ACAD11: variants seen among roughly 807,000 people sequenced by gnomAD.
The protein encoded by ACAD11 is acyl-CoA dehydrogenase family member 11.
ACAD11 carries 83 observed loss-of-function variants against 102.2 expected under a neutral mutation model. The observed-to-expected ratio is 0.81, with a 90% CI of 0.68 to 0.97. The LOEUF is 0.97. ACAD11 is among the 50% of genes least tolerant of loss of function. The pLI, the probability that ACAD11 is intolerant of heterozygous loss-of-function variation, is 0.00. For missense variants in ACAD11, 901 were observed against 951.7 expected, an observed-to-expected ratio of 0.95 and a Z score of 0.70; for synonymous variants, 324 against 319.8, an observed-to-expected ratio of 1.01 and a Z score of -0.14.
rs6776576 is a variant in ACAD11 at position 132,626,804 on chromosome 3, C to A, written c.1084G>T (p.Val362Leu). 19,566 of 1,611,444 alleles carry A rather than the reference C, an allele frequency of 0.012. 1,913 individuals carry two copies. In the African/African-American group the frequency reaches 0.22, roughly 18 times the overall value. Residue 362 changes from valine to leucine, a missense_variant, in exon 9 of 20, where the codon GTA becomes TTA. Physicochemically the swap from Val to Leu is conservative, Grantham distance 32. Transcript: ENST00000264990. Reference protein sequence around the residue: ...LQLSKRTFSTVLPQIDTTGQL... With the variant: ...LQLSKRTFSTLLPQIDTTGQL... ...CCAGTAGTATCAATCTGTGGTAGTA[C>A]AGTACTGAAAGTTCTTTGCCAAAAG...
chr3:132,654,965 G>A (rs928571303), intron 1 of ACAD11, among the ~76,000 whole-genome samples: 4 of 152,196 alleles, frequency 2.6e-5, no homozygotes, highest in African/African-American at 9.7e-5. Flanking sequence ...ATAAACCTGT[G>A]CAGCATGTGA....
chr3:132,600,626 G>A lies in ACAD11; in HGVS notation c.1621+2603C>T, dbSNP rs756407396. On this transcript the variant is annotated intron_variant, in intron 13 of 19. Coordinates refer to ENST00000264990, the MANE Select transcript of ACAD11 (RefSeq NM_032169.5). ...TTACAAGAAACAGAGAACCAAAACA[G>A]ATGTGTACATCCTGAATTTGGCTGT... The A allele has an allele frequency of 6.8e-6, 11 of 1,613,728 alleles. No individual in the cohort carries two copies. The East Asian group carries it at 2.5e-4, about 36-fold the overall frequency.
intron 5 of ACAD11, among the ~76,000 whole-genome samples, chr3:132,635,019 C>T (rs954700150): frequency 2.0e-5 from 3 of 150,600 alleles, no homozygotes; most frequent in Middle Eastern, 3.4e-3. Context: ...CAAACCTGCA[C>T]GCTGTGCACA....
intron 8 of ACAD11, among the ~76,000 whole-genome samples, chr3:132,627,362 G>A (rs937711439): frequency 2.6e-5 from 4 of 152,086 alleles, no homozygotes; most frequent in African/African-American, 7.2e-5. Flanking sequence ...CCTGTGAGAC[G>A]AGAACCTGGA....
chr3:132,560,042 A>T, intron 18 of ACAD11, 100 bp from the exon 19 acceptor site: 1 of 850,518 alleles, frequency 1.2e-6, no homozygotes, highest in East Asian at 2.7e-5. Context: ...CATCCAAGTC[A>T]CCACTAAAAC....
At chr3:132,617,341 C>G (rs571278609) in intron 11 of ACAD11, among the ~76,000 whole-genome samples, 1 of 152,198 alleles carries the variant, frequency 6.6e-6, no homozygotes, top group South Asian at 2.1e-4. Context: ...TTTGAAGATA[C>G]CTCCTATAGA....
At chr3:132,626,668 C>T (rs1480845084) in intron 9 of ACAD11, 23 bp downstream of exon 9, 8 of 1,610,484 alleles carry the variant, frequency 5.0e-6, no homozygotes, top group Non-Finnish European at 6.8e-6. Flanking sequence ...AGCAGAAATA[C>T]ATTCTGCTTA....
intron 4 of ACAD11, among the ~76,000 whole-genome samples, chr3:132,640,224 G>A (rs1940436930): frequency 6.6e-6 from 1 of 151,740 alleles, no homozygotes. Flanking sequence ...TAAGTAGCTG[G>A]GATTACAGAT....
intron 5 of ACAD11, among the ~76,000 whole-genome samples, chr3:132,634,526 T>G (rs538929439): frequency 9.1e-4 from 138 of 152,074 alleles, no homozygotes; most frequent in African/African-American, 3.2e-3. Flanking sequence ...GAACTAGAAA[T>G]ACCATTTGAC....
chr3:132,601,841 A>G (rs1412023508), intron 13 of ACAD11: 3 of 313,960 alleles, frequency 9.6e-6, no homozygotes, highest in African/African-American at 6.7e-5. Flanking sequence ...TTGACATTAT[A>G]GTATAATTAT....
At chr3:132,651,829 A>G (rs1035682805) in intron 1 of ACAD11, among the ~76,000 whole-genome samples, 18 of 152,200 alleles carry the variant, frequency 1.2e-4, no homozygotes, top group African/African-American at 4.3e-4. Context: ...TCTCATTTGG[A>G]ACAGGTATAT....
At chr3:132,572,013 G>T (rs1356209005) in intron 17 of ACAD11, among the ~76,000 whole-genome samples, 1 of 152,170 alleles carries the variant, frequency 6.6e-6, no homozygotes, top group African/African-American at 2.4e-5. Flanking sequence ...CACAAGACAA[G>T]GATGTCCTCT....
At chr3:132,587,135 C>A (rs944651665) in intron 13 of ACAD11, among the ~76,000 whole-genome samples, 3 of 152,070 alleles carry the variant, frequency 2.0e-5, no homozygotes, top group African/African-American at 7.2e-5. Flanking sequence ...GGTACGTGCA[C>A]TGACATTAGA....
At chr3:132,592,433 A>C (rs1346879481) in intron 13 of ACAD11, among the ~76,000 whole-genome samples, 1 of 152,164 alleles carries the variant, frequency 6.6e-6, no homozygotes, top group East Asian at 1.9e-4. Context: ...TAATCCAGAC[A>C]CTGTGGTATT....
intron 17 of ACAD11, among the ~76,000 whole-genome samples, chr3:132,570,099 A>G (rs1937333261): frequency 6.6e-6 from 1 of 152,204 alleles, no homozygotes; most frequent in African/African-American, 2.4e-5. Flanking sequence ...GAGTTTTCCC[A>G]ATTTGTCAGA....
At chr3:132,582,618 TTC>T (rs2107797989) in intron 13 of ACAD11, among the ~76,000 whole-genome samples, 1 of 151,830 alleles carries the variant, frequency 6.6e-6, no homozygotes, top group East Asian at 1.9e-4. Context: ...ATTTCCCCAC[TTC>T]TATGTAATAC....
At chr3:132,606,520 A>G (rs1043816647) in intron 11 of ACAD11, among the ~76,000 whole-genome samples, 1 of 152,226 alleles carries the variant, frequency 6.6e-6, no homozygotes, top group Non-Finnish European at 1.5e-5. Flanking sequence ...AAAAACTTGG[A>G]TAAACTACAC....
Position 132,575,785 on chromosome 3 carries a change from T to C in ACAD11, c.1988A>G (p.Lys663Arg), listed in dbSNP as rs1559935503. The C allele has an allele frequency of 1.2e-6, 2 of 1,614,050 alleles. No individual in the cohort carries two copies. Among genetic ancestry groups the C allele is most frequent in the Admixed American group, 3.3e-5 (2 of 60,018 alleles). ...AATCGTCCTCACATGTGCATACAAC[T>C]TCTTCTTGAAAGCTATCCTTTGTGT... The part of the protein sequence containing the change: ...RATQRIAFKK[K>R]LYAHEVVAHW... The change falls in exon 17 of 20, where the codon AAG (lysine) becomes AGG (arginine). Residue 663 changes from lysine to arginine, a missense_variant. Physicochemically the swap from Lys to Arg is conservative, Grantham distance 26. Coordinates refer to ENST00000264990, the MANE Select transcript of ACAD11 (RefSeq NM_032169.5).
rs1051164669 is a variant in ACAD11 at position 132,584,171 on chromosome 3, C to T, written c.1622-4613G>A. ...GTTGACAGTGGGGTGTTAAAGTCTCCCATTATTATTGTGTGGGAGTCTAAG... is the reference window on the plus strand; with the variant it reads ...GTTGACAGTGGGGTGTTAAAGTCTCTCATTATTATTGTGTGGGAGTCTAAG... On this transcript the variant is annotated intron_variant, in intron 13 of 19. Coordinates refer to ENST00000264990, the MANE Select transcript of ACAD11 (RefSeq NM_032169.5). Among the ~76,000 whole-genome samples, 15 of 152,184 alleles carry T rather than the reference C, an allele frequency of 9.9e-5. No homozygotes were observed. In the East Asian group the frequency reaches 2.9e-3, roughly 29 times the overall value.
Sources: allele counts gnomAD v4.1 joint callset (sites outside exome capture counted in the v4.1 genomes callset), GRCh38; gene constraint gnomAD v4.1.1; transcripts MANE v1.5; gene names NCBI Gene and HGNC (gene_info 2026-07-23, HGNC 2026-07-21).